The following TPTE variants were observed in gnomAD, a reference collection of about 807,000 sequenced individuals.
The protein encoded by TPTE is transmembrane phosphatase with tensin homology, also known as putative tyrosine-protein phosphatase TPTE.
A neutral mutation model predicts 84.1 loss-of-function variants in TPTE; 59 were observed. That is an observed-to-expected ratio of 0.70 (90% CI 0.57 to 0.87). The LOEUF is 0.87. Among genes scored for constraint, TPTE ranks in the 40% least tolerant of loss-of-function variants. TPTE has a pLI of 0.00. For synonymous variants in TPTE, 130 were observed against 223.5 expected (o/e 0.58, Z 3.73); for missense variants, 382 against 659.6 (o/e 0.58, Z 4.61).
chr21:10,568,945 T>TGTA (rs1410012461), intron 11 of TPTE, among the ~76,000 whole-genome samples: 1 of 152,310 alleles, frequency 6.6e-6, no homozygotes, highest in Admixed American at 6.5e-5. Flanking sequence ...CTCCCTGATG[T>TGTA]GTAGTAGCAG....
chr21:10,525,877 G>A (rs1479273733), intron 2 of TPTE, among the ~76,000 whole-genome samples: 1 of 152,308 alleles, frequency 6.6e-6, no homozygotes, highest in African/African-American at 2.4e-5. Context: ...CCTTTTTGGA[G>A]ATTAGTTTCC....
intron 17 of TPTE, among the ~76,000 whole-genome samples, chr21:10,582,265 C>T (rs2075284993): frequency 6.6e-6 from 1 of 152,302 alleles, no homozygotes; most frequent in African/African-American, 2.4e-5. Flanking sequence ...CTAACACCAT[C>T]AATTGCGTGC....
intron 7 of TPTE, among the ~76,000 whole-genome samples, chr21:10,551,838 G>A (rs1213754638): frequency 6.6e-6 from 1 of 152,304 alleles, no homozygotes; most frequent in Non-Finnish European, 1.5e-5. Context: ...TGACCCATAC[G>A]ACCTACCAAG....
At chr21:10,552,998 A>G (rs1037606446) in intron 8 of TPTE, among the ~76,000 whole-genome samples, 4 of 152,296 alleles carry the variant, frequency 2.6e-5, no homozygotes, top group African/African-American at 9.6e-5. Context: ...TTTTAAAAAA[A>G]CAGGAATGCA....
intron 23 of TPTE, among the ~76,000 whole-genome samples, chr21:10,604,054 G>A (rs1415078632): frequency 2.1e-3 from 315 of 151,394 alleles, no homozygotes; most frequent in African/African-American, 7.4e-3. Context: ...TCAGCTAGCT[G>A]AAAAGCTGAC....
intron 10 of TPTE, among the ~76,000 whole-genome samples, chr21:10,562,779 C>T (rs1444909308): frequency 1.3e-5 from 2 of 152,304 alleles, no homozygotes; most frequent in African/African-American, 4.8e-5. Context: ...AAAATAGCCT[C>T]AAAAGGACAA....
At position 10,542,415 on chromosome 21, in the gene TPTE, A is replaced by G. The variant is rs1365439037; in HGVS notation, c.86A>G (p.Lys29Arg). 1.2e-6 allele frequency: 2 copies of G among 1,611,916 alleles called. No homozygotes were observed. The highest frequency in any genetic ancestry group is 1.7e-6 in the Non-Finnish European group (2 of 1,178,446). The change falls in exon 6 of 24, where the codon AAA (lysine) becomes AGA (arginine). Residue 29 changes from lysine to arginine, a missense_variant. Transcript: ENST00000618007. Reference sequence around the variant, plus strand: ...ACTAGTCCACAGACAAGTGAATTTAAAGGAGCAACCGAGGAGGCACCTGCG... The same window carrying G: ...ACTAGTCCACAGACAAGTGAATTTAGAGGAGCAACCGAGGAGGCACCTGCG... ...PNDSPQTSEFKGATEEAPAKE... is the reference protein window; with the variant it reads ...PNDSPQTSEFRGATEEAPAKE...
chr21:10,570,921 C>G (rs1169344092), intron 14 of TPTE, among the ~76,000 whole-genome samples: 2 of 129,464 alleles, frequency 1.5e-5, no homozygotes, highest in Admixed American at 8.4e-5. Flanking sequence ...TGGCTACCCT[C>G]GACTGAAAGA....
chr21:10,525,856 A>C (rs907518496), intron 2 of TPTE, among the ~76,000 whole-genome samples: 2 of 152,306 alleles, frequency 1.3e-5, no homozygotes, highest in Non-Finnish European at 2.9e-5. Flanking sequence ...ACATCTATGG[A>C]TGTCTCGTGC....
At chr21:10,590,594 G>A in intron 18 of TPTE, 71 bp downstream of exon 18, 1 of 1,600,774 alleles carries the variant, frequency 6.2e-7, no homozygotes, top group Non-Finnish European at 8.5e-7. Flanking sequence ...TCACTGGCAG[G>A]ACATTAAGAT....
intron 3 of TPTE, among the ~76,000 whole-genome samples, chr21:10,530,682 C>G (rs1018230457): frequency 9.2e-5 from 14 of 152,418 alleles, no homozygotes; most frequent in African/African-American, 3.4e-4. Flanking sequence ...GAATATGAAA[C>G]AGGACTTGAT....
rs550797764 is a variant in TPTE, at chr21:10,549,215, C to T, written c.174-3442C>T. On this transcript the variant is annotated intron_variant, in intron 7 of 23. Transcript: ENST00000618007. The stretch of plus-strand genomic sequence containing the variant: ...AATGAACTGACATCCAAGACCCATT[C>T]ATACAAATAAATTCATACAATTTTA... 6.6e-5 allele frequency among the ~76,000 whole-genome samples: 10 copies of T among 152,424 alleles called. No homozygotes were observed. In the East Asian group the frequency reaches 1.7e-3, roughly 26 times the overall value.
intron 6 of TPTE, 125 bp downstream of exon 6, chr21:10,542,573 A>T: frequency 8.0e-7 from 1 of 1,243,414 alleles, no homozygotes; most frequent in Non-Finnish European, 1.1e-6. Context: ...TCATCCATCC[A>T]TCCATCCATC....
chr21:10,594,432 C>A (rs998956317), intron 19 of TPTE, among the ~76,000 whole-genome samples: 1 of 152,312 alleles, frequency 6.6e-6, no homozygotes, highest in African/African-American at 2.4e-5. Context: ...ATCTTTCCAC[C>A]CTTTTCTCAT....
intron 3 of TPTE, among the ~76,000 whole-genome samples, chr21:10,531,275 C>T (rs551738697): frequency 1.3e-5 from 2 of 152,308 alleles, no homozygotes; most frequent in Non-Finnish European, 2.9e-5. Flanking sequence ...TAGATTAATT[C>T]CCTCCCTTGG....
chr21:10,534,770 A>G (rs866029821), intron 3 of TPTE, among the ~76,000 whole-genome samples: 2 of 152,424 alleles, frequency 1.3e-5, no homozygotes, highest in Middle Eastern at 3.4e-3. Flanking sequence ...TTCTGTATGT[A>G]ACATCCTTTT....
intron 7 of TPTE, among the ~76,000 whole-genome samples, chr21:10,551,825 C>T (rs1348263640): frequency 1.2e-4 from 18 of 152,284 alleles, no homozygotes; most frequent in African/African-American, 4.3e-4. Flanking sequence ...TGGACAAAAT[C>T]CTTGACCCAT....
intron 7 of TPTE, among the ~76,000 whole-genome samples, chr21:10,544,851 C>T (rs940474555): frequency 2.8e-4 from 43 of 152,404 alleles, no homozygotes; most frequent in African/African-American, 9.1e-4. Context: ...GTAAATTTTG[C>T]CAGAAACAGT....
chr21:10,524,953 C>A (rs2074052271), intron 2 of TPTE, among the ~76,000 whole-genome samples: 1 of 152,020 alleles, frequency 6.6e-6, no homozygotes, highest in Non-Finnish European at 1.5e-5. Context: ...ATTTAAAAAA[C>A]AAACCAAGCC....
Sources: gnomAD v4.1 joint callset for allele counts (sites outside exome capture counted in the v4.1 genomes callset) on GRCh38, gnomAD v4.1.1 for gene constraint, MANE v1.5 for transcripts, NCBI Gene and HGNC (gene_info 2026-07-23, HGNC 2026-07-21) for gene names.